Variants in TUB observed in about 807,000 individuals in gnomAD.
TUB encodes TUB bipartite transcription factor.
TUB carries 33 observed loss-of-function variants against 59.7 expected under a neutral mutation model. The observed-to-expected ratio is 0.55, with a 90% CI of 0.42 to 0.74. The LOEUF (loss-of-function observed/expected upper bound fraction) is 0.74, where lower values mean the gene tolerates loss of function less well. Among genes scored for constraint, TUB ranks in the 30% least tolerant of loss-of-function variants. The probability of loss-of-function intolerance (pLI) is 0.00; values close to 1 mark genes in which losing one functional copy is unlikely to be tolerated. For missense variants in TUB, 659 were observed against 672.0 expected, an observed-to-expected ratio of 0.98 and a Z score of 0.21; for synonymous variants, 293 against 256.4, an observed-to-expected ratio of 1.14 and a Z score of -1.36.
chr11:8,081,334 C>T lies in TUB; in HGVS notation c.-177C>T, dbSNP rs1943557271. 1.0e-6 allele frequency: 1 copy of T among 980,644 alleles called. No homozygotes were observed. Among genetic ancestry groups the T allele is most frequent in the Non-Finnish European group, 1.2e-6 (1 of 825,976 alleles). The allele number at this position is 980,644 out of a possible 1,614,324, so 60.7% of individuals were successfully genotyped here. Reference sequence around the variant, plus strand: ...TCGCCTCGCCGCGCCGCGCAGGCAGCCGCTCGCAGAGCCAGCAGCCGGGGC... The same window carrying T: ...TCGCCTCGCCGCGCCGCGCAGGCAGTCGCTCGCAGAGCCAGCAGCCGGGGC... On this transcript the variant is annotated 5_prime_UTR_variant, in exon 1 of 12. Coordinates refer to ENST00000299506, the MANE Select transcript of TUB (RefSeq NM_177972.3).
intron 2 of TUB, among the ~76,000 whole-genome samples, chr11:8,065,308 G>A (rs1042039832): frequency 1.3e-5 from 2 of 152,194 alleles, no homozygotes; most frequent in Non-Finnish European, 2.9e-5. Context: ...TGGGGCCAGG[G>A]CATTGGTGGT....
Position 8,081,492 on chromosome 11 carries a change from C to G in TUB, c.-19C>G. 6.6e-7 allele frequency: 1 copy of G among 1,515,576 alleles called. No homozygotes were observed. The highest frequency in any genetic ancestry group is 8.8e-7 in the Non-Finnish European group (1 of 1,138,768). 93.9% of individuals were successfully genotyped at this position (1,515,576 alleles called of 1,614,324 possible). A position where few individuals can be genotyped will look rare whatever the true frequency, so the allele number is the denominator to read the frequency against. ...CCCCGGCCTCCAGAGCCGCAGCCAC[C>G]GCCCCGCCCCCGAGAGACATGACTT... On this transcript the variant is annotated 5_prime_UTR_variant, in exon 1 of 12. Transcript: ENST00000299506.
intron 1 of TUB, among the ~76,000 whole-genome samples, chr11:8,026,993 G>T (rs541252857): frequency 7.2e-5 from 11 of 152,098 alleles, no homozygotes; most frequent in Non-Finnish European, 1.6e-4. Context: ...TCTTTTGTAA[G>T]ATGTATCCCT....
chr11:8,060,964 C>A (rs944997890), intron 2 of TUB, among the ~76,000 whole-genome samples: 1 of 152,196 alleles, frequency 6.6e-6, no homozygotes, highest in Non-Finnish European at 1.5e-5. Flanking sequence ...TGCCTAGCTG[C>A]GGGTGATTTC....
chr11:8,020,601 G>A (rs1771163217), intron 1 of TUB, among the ~76,000 whole-genome samples: 1 of 152,114 alleles, frequency 6.6e-6, no homozygotes, highest in Admixed American at 6.5e-5. Flanking sequence ...ACTGATCCAC[G>A]TCTGTTTTTT....
chr11:8,072,976 T>C (rs1943385808), intron 2 of TUB, among the ~76,000 whole-genome samples: 1 of 152,252 alleles, frequency 6.6e-6, no homozygotes, highest in African/African-American at 2.4e-5. Flanking sequence ...CGTTTAGTGC[T>C]AAAAGGAGCC....
At chr11:8,087,285 G>A (rs779531788) in intron 1 of TUB, among the ~76,000 whole-genome samples, 10 of 152,212 alleles carry the variant, frequency 6.6e-5, no homozygotes, top group Non-Finnish European at 1.0e-4. Flanking sequence ...AGATGTGAGC[G>A]TCAGCACCAT....
chr11:8,083,358 C>G (rs1381895300), intron 1 of TUB, among the ~76,000 whole-genome samples: 1 of 152,106 alleles, frequency 6.6e-6, no homozygotes, highest in Non-Finnish European at 1.5e-5. Flanking sequence ...TTGGGCCAGG[C>G]CAAGACATGG....
Position 8,105,364 on chromosome 11 carries a change from T to A in TUB, c.*3745T>A, listed in dbSNP as rs1418795953. The A allele has an allele frequency of 6.6e-6, 1 of 152,182 alleles. No homozygotes were observed. The highest frequency in any genetic ancestry group is 1.9e-4 in the East Asian group (1 of 5,192). 9.4% of individuals were successfully genotyped at this position (152,182 alleles called of 1,614,324 possible). On this transcript the variant is annotated 3_prime_UTR_variant, in exon 12 of 12. Coordinates refer to ENST00000299506, the MANE Select transcript of TUB (RefSeq NM_177972.3). ...CTCTATACTACCCTGGGCTCTGGTC[T>A]GTAGGTTTGTAGTAGCCACCGGTAA...
chr11:8,037,570 C>T (rs941264151), upstream of TUB, among the ~76,000 whole-genome samples: 4 of 152,088 alleles, frequency 2.6e-5, no homozygotes, highest in African/African-American at 9.7e-5. Flanking sequence ...CTGAAGATTC[C>T]TAATTATTGT....
chr11:8,089,064 G>A (rs1589961235), intron 1 of TUB, among the ~76,000 whole-genome samples: 1 of 152,254 alleles, frequency 6.6e-6, no homozygotes, highest in African/African-American at 2.4e-5. Flanking sequence ...AGTGGGGAAG[G>A]GGAGTAGACA....
At chr11:8,089,047 C>G (rs1036162198) in intron 1 of TUB, among the ~76,000 whole-genome samples, 1 of 152,204 alleles carries the variant, frequency 6.6e-6, no homozygotes, top group Non-Finnish European at 1.5e-5. Flanking sequence ...ACCCTCTGCC[C>G]TCTTTAAGTG....
intron 2 of TUB, among the ~76,000 whole-genome samples, chr11:8,065,266 C>T (rs914989207): frequency 1.3e-5 from 2 of 152,184 alleles, no homozygotes; most frequent in African/African-American, 4.8e-5. Context: ...GAAGCAGACT[C>T]CCTTTCCCTC....
intron 2 of TUB, among the ~76,000 whole-genome samples, chr11:8,053,838 G>A (rs1017400376): frequency 7.4e-5 from 11 of 149,406 alleles, no homozygotes; most frequent in Middle Eastern, 6.4e-3. Flanking sequence ...ATACTTGGCC[G>A]GGCGCAGTGG....
rs980712968 is a variant in TUB at position 8,106,049 on chromosome 11, A to G, written c.*4430A>G. ...TTTGTTCAAGATTATCTGGCGTTTT[A>G]GACAAATTTGCAAAACTGTGCTTTT... On this transcript the variant is annotated 3_prime_UTR_variant, in exon 12 of 12. Coordinates refer to ENST00000299506, the MANE Select transcript of TUB (RefSeq NM_177972.3). 4 of 152,208 alleles carry G rather than the reference A, an allele frequency of 2.6e-5. No individual in the cohort carries two copies. Among genetic ancestry groups the G allele is most frequent in the Non-Finnish European group, 5.9e-5 (4 of 68,036 alleles). 9.4% of individuals were successfully genotyped at this position (152,208 alleles called of 1,614,324 possible). A position where few individuals can be genotyped will look rare whatever the true frequency, so the allele number is the denominator to read the frequency against.
chr11:8,091,686 C>G (rs1440663251), intron 3 of TUB, among the ~76,000 whole-genome samples: 1 of 152,120 alleles, frequency 6.6e-6, no homozygotes, highest in African/African-American at 2.4e-5. Context: ...TGCCTGTACT[C>G]TACTTGAGAG....
At chr11:8,075,406 A>AT in intron 2 of TUB, among the ~76,000 whole-genome samples, 1 of 152,198 alleles carries the variant, frequency 6.6e-6, no homozygotes, top group East Asian at 1.9e-4. Flanking sequence ...AGCAGATTAT[A>AT]TATAACCTTT....
intron 2 of TUB, among the ~76,000 whole-genome samples, chr11:8,046,602 G>A (rs899884337): frequency 7.2e-5 from 11 of 152,080 alleles, no homozygotes; most frequent in Non-Finnish European, 1.6e-4. Flanking sequence ...CCAAATCTGT[G>A]CATCTCTTTC....
intron 1 of TUB, among the ~76,000 whole-genome samples, chr11:8,032,289 C>T (rs911903986): frequency 6.6e-6 from 1 of 152,192 alleles, no homozygotes; most frequent in African/African-American, 2.4e-5. Flanking sequence ...CACCAAGTAT[C>T]GCCCTACAAG....
Sources: gnomAD v4.1 joint callset for allele counts (sites outside exome capture counted in the v4.1 genomes callset) on GRCh38, gnomAD v4.1.1 for gene constraint, MANE v1.5 for transcripts, NCBI Gene and HGNC (gene_info 2026-07-23, HGNC 2026-07-21) for gene names.